Variants in PCDH15 observed in about 807,000 individuals in gnomAD.
PCDH15 encodes the protein protocadherin-15.
PCDH15 carries 129 observed loss-of-function variants against 178.5 expected under a neutral mutation model. The ratio of observed to expected loss-of-function variants is 0.72; its 90% CI spans 0.63 to 0.84. PCDH15 has a LOEUF of 0.84. Ranked by LOEUF, PCDH15 falls within the 40% of genes least tolerant of loss-of-function variation. The probability of loss-of-function intolerance (pLI) is 0.00; values close to 1 mark genes in which losing one functional copy is unlikely to be tolerated. For missense variants in PCDH15, 2,230 were observed against 2,099.9 expected, an observed-to-expected ratio of 1.06 and a Z score of -1.21; for synonymous variants, 800 against 732.0, an observed-to-expected ratio of 1.09 and a Z score of -1.50.
chr10:54,892,818 C>G (rs954365497), intron 3 of PCDH15, among the ~76,000 whole-genome samples: 1 of 151,486 alleles, frequency 6.6e-6, no homozygotes, highest in African/African-American at 2.4e-5. Context: ...CCTCTGCCCC[C>G]CAGGTTCAAG....
chr10:54,985,269 G>T (rs887724260), intron 2 of PCDH15, among the ~76,000 whole-genome samples: 22 of 152,202 alleles, frequency 1.4e-4, no homozygotes, highest in Admixed American at 1.2e-3. Context: ...ATTGAAAAGA[G>T]ATATGGACTC....
chr10:54,622,821 C>T (rs1254553001), intron 2 of PCDH15, among the ~76,000 whole-genome samples: 1 of 91,984 alleles, frequency 1.1e-5, no homozygotes, highest in Admixed American at 1.2e-4. Flanking sequence ...ATTTCCTGTA[C>T]ACTATCTCTC....
intron 1 of PCDH15, among the ~76,000 whole-genome samples, chr10:55,262,371 T>TA (rs1173930742): frequency 6.6e-6 from 1 of 152,152 alleles, no homozygotes; most frequent in Non-Finnish European, 1.5e-5. Flanking sequence ...TTTTTGTGCC[T>TA]AAATGTTGCA....
chr10:54,584,448 T>C (rs2091301436), intron 2 of PCDH15, among the ~76,000 whole-genome samples: 1 of 152,070 alleles, frequency 6.6e-6, no homozygotes, highest in African/African-American at 2.4e-5. Context: ...ACAAACACTC[T>C]CAATAGTTTT....
chr10:54,608,325 T>C (rs1435178373), intron 2 of PCDH15, among the ~76,000 whole-genome samples: 1 of 147,486 alleles, frequency 6.8e-6, no homozygotes, highest in African/African-American at 2.5e-5. Flanking sequence ...AAAGAAAAAA[T>C]AGCGGACATG....
rs550818975 is a variant in PCDH15 at position 55,366,966 on chromosome 10, A to G, written c.-155-200315T>C. ...GTGTTTCACTTGCTTGGTTCTATAGAAAATTTAATAGGAGAGTTAGAGGTA... is the reference window on the plus strand; with the variant it reads ...GTGTTTCACTTGCTTGGTTCTATAGGAAATTTAATAGGAGAGTTAGAGGTA... On this transcript the variant is annotated intron_variant, in intron 2 of 5. Coordinates refer to the PCDH15 transcript ENST00000613346. Among the ~76,000 whole-genome samples the G allele has an allele frequency of 1.1e-4, 17 of 151,444 alleles. 1 individual carries two copies. Among genetic ancestry groups the G allele is most frequent in the African/African-American group, 3.6e-4 (15 of 41,262 alleles).
At chr10:55,172,227 A>G (rs1293481002) in intron 1 of PCDH15, among the ~76,000 whole-genome samples, 2 of 151,950 alleles carry the variant, frequency 1.3e-5, no homozygotes, top group Non-Finnish European at 2.9e-5. Context: ...AAAAATGAAC[A>G]CCTAAACAGA....
intron 2 of PCDH15, among the ~76,000 whole-genome samples, chr10:55,055,482 G>A (rs1279346504): frequency 6.6e-6 from 1 of 152,046 alleles, no homozygotes; most frequent in Non-Finnish European, 1.5e-5. Flanking sequence ...TGCACATTTT[G>A]AAACAACATA....
chr10:54,314,071 A>G (rs947274733), intron 8 of PCDH15, among the ~76,000 whole-genome samples: 3 of 151,992 alleles, frequency 2.0e-5, no homozygotes, highest in Admixed American at 6.6e-5. Context: ...ACATAAATTA[A>G]TACTAAAAAT....
intron 23 of PCDH15, among the ~76,000 whole-genome samples, chr10:53,953,703 T>C (rs12570313): frequency 0.039 from 5,933 of 152,318 alleles, 171 homozygotes; most frequent in East Asian, 0.13. Flanking sequence ...TATAGGGTTG[T>C]CTTTGTAAAA....
intron 2 of PCDH15, among the ~76,000 whole-genome samples, chr10:55,492,447 G>A (rs760061609): frequency 4.0e-5 from 6 of 151,604 alleles, no homozygotes; most frequent in Non-Finnish European, 8.9e-5. Flanking sequence ...CTAAAAGACC[G>A]TAAAAAGGGT....
chr10:54,042,925 T>A (rs377246982), intron 18 of PCDH15, among the ~76,000 whole-genome samples: 1 of 152,138 alleles, frequency 6.6e-6, no homozygotes, highest in East Asian at 1.9e-4. Context: ...CTTTGGAATA[T>A]GTTTCAGACA....
chr10:53,941,026 G>T, intron 23 of PCDH15, 51 bp from the exon 24 acceptor site: 1 of 1,268,314 alleles, frequency 7.9e-7, no homozygotes, highest in African/African-American at 1.5e-5. Flanking sequence ...AATTTTTGAT[G>T]TAACTTTACG....
At chr10:54,819,220 C>A (rs1952997130) in intron 3 of PCDH15, among the ~76,000 whole-genome samples, 1 of 151,946 alleles carries the variant, frequency 6.6e-6, no homozygotes, top group African/African-American at 2.4e-5. Context: ...ACATTTTAAA[C>A]ATTCATGGTA....
At chr10:55,134,654 A>C (rs1261134033) in intron 2 of PCDH15, among the ~76,000 whole-genome samples, 2 of 152,138 alleles carry the variant, frequency 1.3e-5, no homozygotes, top group African/African-American at 4.8e-5. Context: ...TGGAAATCTA[A>C]TTAAAAGGTA....
chr10:54,267,774 T>C (rs796304910), intron 8 of PCDH15, among the ~76,000 whole-genome samples: 9 of 151,944 alleles, frequency 5.9e-5, no homozygotes, highest in African/African-American at 1.7e-4. Context: ...AATGAAATCA[T>C]AGATGACACA....
At chr10:54,376,915 G>A (rs1948534932) in intron 4 of PCDH15, among the ~76,000 whole-genome samples, 1 of 151,874 alleles carries the variant, frequency 6.6e-6, no homozygotes. Context: ...CAGCATTTTT[G>A]TAATTCTTAA....
intron 2 of PCDH15, among the ~76,000 whole-genome samples, chr10:54,618,616 A>G (rs1158891764): frequency 6.6e-6 from 1 of 152,118 alleles, no homozygotes; most frequent in East Asian, 1.9e-4. Flanking sequence ...CTGTATGTAA[A>G]TAGACATACA....
chr10:55,137,417 C>A (rs1435062990), intron 2 of PCDH15, among the ~76,000 whole-genome samples: 1 of 152,074 alleles, frequency 6.6e-6, no homozygotes, highest in East Asian at 1.9e-4. Flanking sequence ...AGGTTTACAG[C>A]AGGCTATATG....
Sources: gnomAD v4.1 joint callset for allele counts (sites outside exome capture counted in the v4.1 genomes callset) on GRCh38, gnomAD v4.1.1 for gene constraint, MANE v1.5 for transcripts, NCBI Gene and HGNC (gene_info 2026-07-23, HGNC 2026-07-21) for gene names.